The following PCDH15 variants were observed in gnomAD, a reference collection of about 807,000 sequenced individuals.
The protein encoded by PCDH15 is protocadherin related 15.
In PCDH15, 129 loss-of-function variants were observed where a neutral mutation model predicts 178.5. The observed-to-expected ratio is 0.72, with a 90% CI of 0.63 to 0.84. PCDH15 has a LOEUF of 0.84. Ranked by LOEUF, PCDH15 falls within the 40% of genes least tolerant of loss-of-function variation. PCDH15 has a pLI of 0.00. For missense variants in PCDH15, 2,230 were observed against 2,099.9 expected, an observed-to-expected ratio of 1.06 and a Z score of -1.21; for synonymous variants, 800 against 732.0, an observed-to-expected ratio of 1.09 and a Z score of -1.50.
chr10:53,964,552 G>C (rs1038247534), intron 21 of PCDH15, among the ~76,000 whole-genome samples: 3 of 138,736 alleles, frequency 2.2e-5, no homozygotes, highest in African/African-American at 8.0e-5. Context: ...TAAGTGAATG[G>C]ATAACCACAC....
chr10:54,777,849 T>A (rs553983992), intron 1 of PCDH15, among the ~76,000 whole-genome samples: 1 of 152,340 alleles, frequency 6.6e-6, no homozygotes, highest in Admixed American at 6.5e-5. Context: ...AACGAGGGCC[T>A]CTTAAGAGTT....
chr10:54,879,798 A>G (rs1021177875), intron 3 of PCDH15, among the ~76,000 whole-genome samples: 2 of 151,938 alleles, frequency 1.3e-5, no homozygotes, highest in African/African-American at 4.8e-5. Flanking sequence ...ATTAACAAAT[A>G]TTAACATATT....
intron 8 of PCDH15, among the ~76,000 whole-genome samples, chr10:54,263,049 G>A (rs1975407): frequency 0.27 from 40,868 of 151,360 alleles, 6,664 homozygotes; most frequent in Non-Finnish European, 0.38. Flanking sequence ...TTGAAATACT[G>A]CATTTTCTTT....
At chr10:54,089,931 T>A in intron 16 of PCDH15, 53 bp downstream of exon 16, 4 of 1,366,114 alleles carry the variant, frequency 2.9e-6, no homozygotes, top group Non-Finnish European at 4.2e-6. Context: ...GCTTTCTTAC[T>A]AACAGTACGT....
chr10:55,575,548 A>C (rs952842566), intron 2 of PCDH15: 5 of 152,212 alleles, frequency 3.3e-5, no homozygotes, highest in East Asian at 1.9e-4. Flanking sequence ...TTTGTAACGA[A>C]GTGTCTATAA....
At chr10:55,209,820 A>G (rs183747372) in intron 1 of PCDH15, among the ~76,000 whole-genome samples, 27 of 152,262 alleles carry the variant, frequency 1.8e-4, no homozygotes, top group African/African-American at 6.3e-4. Flanking sequence ...TATAAGCACT[A>G]TGCTCAAAAA....
At chr10:53,912,335 T>A (rs2083166215) in intron 25 of PCDH15, among the ~76,000 whole-genome samples, 1 of 152,144 alleles carries the variant, frequency 6.6e-6, no homozygotes, top group Non-Finnish European at 1.5e-5. Flanking sequence ...ACAGCCAGTA[T>A]CGTACTGAAT....
intron 20 of PCDH15, among the ~76,000 whole-genome samples, chr10:53,999,534 T>C (rs1353807981): frequency 6.6e-6 from 1 of 152,186 alleles, no homozygotes; most frequent in Admixed American, 6.5e-5. Context: ...AGGCTAGGCA[T>C]ATTCACCACA....
chr10:55,412,012 A>C (rs1490342889), intron 2 of PCDH15, among the ~76,000 whole-genome samples: 1 of 152,110 alleles, frequency 6.6e-6, no homozygotes, highest in Non-Finnish European at 1.5e-5. Context: ...AACATTTTAC[A>C]ATCTGCGATG....
At position 55,370,832 on chromosome 10, in the gene PCDH15, T is replaced by C. The variant is rs149803944; in HGVS notation, c.-155-204181A>G. ...CATATAATCCATCCAATTGACTCAC[T>C]CTGCAGTAGCATAGCTATTACTTCT... On this transcript the variant is annotated intron_variant, in intron 2 of 5. Coordinates refer to the PCDH15 transcript ENST00000613346. Among the ~76,000 whole-genome samples the C allele has an allele frequency of 4.1e-3, 631 of 152,234 alleles. 10 individuals are homozygous for C. Among genetic ancestry groups the C allele is most frequent in the African/African-American group, 0.015 (604 of 41,544 alleles).
intron 1 of PCDH15, among the ~76,000 whole-genome samples, chr10:54,779,458 A>ATG (rs373851829): frequency 8.7e-5 from 5 of 57,232 alleles, no homozygotes; most frequent in African/African-American, 2.3e-4. Flanking sequence ...ACACTCATAT[A>ATG]TGTGTGTATA....
intron 15 of PCDH15, among the ~76,000 whole-genome samples, chr10:54,093,339 G>A (rs911635502): frequency 2.6e-5 from 4 of 152,076 alleles, no homozygotes; most frequent in South Asian, 2.1e-4. Flanking sequence ...TTCCAGGGTC[G>A]AGGGTGGTAT....
intron 15 of PCDH15, among the ~76,000 whole-genome samples, chr10:54,115,610 T>TGAAGGACCATA (rs1306021319): frequency 1.6e-4 from 25 of 152,320 alleles, no homozygotes; most frequent in African/African-American, 6.0e-4. Flanking sequence ...CTTACAACCC[T>TGAAGGACCATA]GAAGGACCAT....
chr10:54,348,664 T>C (rs975725725), intron 5 of PCDH15, among the ~76,000 whole-genome samples: 2 of 152,232 alleles, frequency 1.3e-5, no homozygotes, highest in Non-Finnish European at 2.9e-5. Flanking sequence ...TAAACCAAGC[T>C]AATTAACATA....
chr10:55,092,797 T>C (rs902355334), intron 2 of PCDH15, among the ~76,000 whole-genome samples: 2 of 151,924 alleles, frequency 1.3e-5, no homozygotes, highest in Non-Finnish European at 1.5e-5. Context: ...ATAAATAAGT[T>C]GATCAATTAA....
chr10:54,955,118 T>C lies in PCDH15; in HGVS notation c.-79-57618A>G, dbSNP rs142582389. Among the ~76,000 whole-genome samples, 104 of 151,338 alleles carry C rather than the reference T, an allele frequency of 6.9e-4. No homozygotes were observed. The East Asian group carries it at 0.017, about 25-fold the overall frequency. On this transcript the variant is annotated intron_variant, in intron 2 of 5. Coordinates refer to the PCDH15 transcript ENST00000458638. Reference sequence around the variant, plus strand: ...TTGCATTAATTGGATTCAGAAGCTTTCTTGGCAAGAAAAAACAAATCAAGC... The same window carrying C: ...TTGCATTAATTGGATTCAGAAGCTTCCTTGGCAAGAAAAAACAAATCAAGC...
intron 3 of PCDH15, among the ~76,000 whole-genome samples, chr10:54,446,967 A>T (rs1565299497): frequency 1.3e-5 from 2 of 151,640 alleles, no homozygotes; most frequent in African/African-American, 2.4e-5. Context: ...GGATGTTATC[A>T]GAGATTAAAG....
chr10:55,327,672 T>C (rs533399252), intron 2 of PCDH15, among the ~76,000 whole-genome samples: 12 of 152,208 alleles, frequency 7.9e-5, no homozygotes, highest in Admixed American at 6.6e-4. Flanking sequence ...CTGATTTTCA[T>C]TTAATAAGTA....
intron 17 of PCDH15, among the ~76,000 whole-genome samples, chr10:54,077,647 C>T (rs991957978): frequency 6.6e-6 from 1 of 152,168 alleles, no homozygotes; most frequent in African/African-American, 2.4e-5. Flanking sequence ...AGAATATTTT[C>T]TCTCACTTAT....
Sources: allele counts gnomAD v4.1 joint callset (sites outside exome capture counted in the v4.1 genomes callset), GRCh38; gene constraint gnomAD v4.1.1; transcripts MANE v1.5; gene names NCBI Gene and HGNC (gene_info 2026-07-23, HGNC 2026-07-21).